Variants in LGR5 observed in about 807,000 individuals in gnomAD.
LGR5 encodes the protein leucine-rich repeat-containing G protein-coupled receptor 5.
A neutral mutation model predicts 76.7 loss-of-function variants in LGR5; 54 were observed. The observed-to-expected ratio is 0.70, with a 90% confidence interval of 0.57 to 0.88. The LOEUF is 0.88. LGR5 is among the 40% of genes least tolerant of loss of function. The pLI is 0.00. For missense variants in LGR5, 1,078 were observed against 1,073.3 expected, an observed-to-expected ratio of 1.00 and a Z score of -0.06; for synonymous variants, 406 against 421.9, an observed-to-expected ratio of 0.96 and a Z score of 0.46.
intron 1 of LGR5, chr12:71,448,662 T>G (rs2137203582): frequency 6.6e-6 from 1 of 152,352 alleles, no homozygotes; most frequent in African/African-American, 2.4e-5. Context: ...CATATATGGT[T>G]GTTATTATGT....
intron 1 of LGR5, among the ~76,000 whole-genome samples, chr12:71,445,838 C>T (rs183851267): frequency 2.6e-5 from 4 of 152,262 alleles, no homozygotes; most frequent in East Asian, 3.9e-4. Flanking sequence ...GAAGTGCTTC[C>T]GTATATCCTC....
chr12:71,563,797 G>A (rs1035262515), intron 8 of LGR5, among the ~76,000 whole-genome samples: 5 of 152,018 alleles, frequency 3.3e-5, no homozygotes, highest in Non-Finnish European at 7.4e-5. Context: ...CCTTATGTGT[G>A]TTTATGATAC....
intron 1 of LGR5, among the ~76,000 whole-genome samples, chr12:71,479,434 G>T (rs922131875): frequency 1.3e-5 from 2 of 152,166 alleles, no homozygotes; most frequent in Non-Finnish European, 2.9e-5. Flanking sequence ...TTTCAACAAC[G>T]TGCCAAATGC....
chr12:71,474,487 A>C (rs973372196), intron 1 of LGR5, among the ~76,000 whole-genome samples: 1 of 152,230 alleles, frequency 6.6e-6, no homozygotes, highest in Non-Finnish European at 1.5e-5. Context: ...GATAAGCTTC[A>C]GTTTAGGTGG....
intron 1 of LGR5, among the ~76,000 whole-genome samples, chr12:71,491,709 G>A (rs1365144316): frequency 1.3e-5 from 2 of 150,604 alleles, no homozygotes; most frequent in African/African-American, 4.9e-5. Flanking sequence ...GTGTATTGCT[G>A]TTTTTTCCAA....
intron 1 of LGR5, among the ~76,000 whole-genome samples, chr12:71,488,224 T>G (rs1873920143): frequency 6.6e-6 from 1 of 152,182 alleles, no homozygotes; most frequent in African/African-American, 2.4e-5. Flanking sequence ...GTATTAAATG[T>G]AAAACAAAAA....
At position 71,457,006 on chromosome 12, in the gene LGR5, T is replaced by G. The variant is rs1012278237; in HGVS notation, c.212+16714T>G. ...ATACACCCCCATCTCACTTTTTTTTTAAGACCATGGAGTTGAATTTTGCCT... is the reference window on the plus strand; with the variant it reads ...ATACACCCCCATCTCACTTTTTTTTGAAGACCATGGAGTTGAATTTTGCCT... On this transcript the variant is annotated intron_variant, in intron 1 of 17. Coordinates refer to ENST00000266674, the MANE Select transcript of LGR5 (RefSeq NM_003667.4). Among the ~76,000 whole-genome samples the G allele has an allele frequency of 2.0e-5, 3 of 152,116 alleles. No homozygotes were observed. In the South Asian group the frequency reaches 6.2e-4, roughly 32 times the overall value.
intron 14 of LGR5, 117 bp from the exon 15 acceptor site, chr12:71,578,686 GA>G (rs1006824109): frequency 1.0e-6 from 1 of 990,432 alleles, no homozygotes; most frequent in African/African-American, 1.6e-5. Flanking sequence ...TAAGAGTAAG[GA>G]CCCTGCTTAG....
intron 1 of LGR5, among the ~76,000 whole-genome samples, chr12:71,453,018 G>A (rs1872311196): frequency 6.6e-6 from 1 of 152,064 alleles, no homozygotes; most frequent in South Asian, 2.1e-4. Context: ...CCCTAAATTA[G>A]CTAAATTAAT....
chr12:71,467,870 C>A (rs1872928900), intron 1 of LGR5, among the ~76,000 whole-genome samples: 1 of 152,168 alleles, frequency 6.6e-6, no homozygotes, highest in African/African-American at 2.4e-5. Flanking sequence ...TTGCAAAGCA[C>A]ATTCCATCTA....
chr12:71,463,365 C>T (rs1027371691), intron 1 of LGR5, among the ~76,000 whole-genome samples: 2 of 152,146 alleles, frequency 1.3e-5, no homozygotes, highest in Non-Finnish European at 1.5e-5. Flanking sequence ...TAGCTTCAGT[C>T]GAGAGGTTTA....
intron 2 of LGR5, among the ~76,000 whole-genome samples, chr12:71,508,023 A>G (rs946817218): frequency 1.3e-5 from 2 of 151,346 alleles, no homozygotes; most frequent in Non-Finnish European, 2.9e-5. Flanking sequence ...GATCGAGACC[A>G]TCCTGGCCAA....
intron 6 of LGR5, among the ~76,000 whole-genome samples, 160 bp downstream of exon 6, chr12:71,556,850 G>C (rs763356455): frequency 4.6e-5 from 7 of 152,172 alleles, no homozygotes. Context: ...AACCCCCACA[G>C]AGCTAAACAA....
intron 3 of LGR5, among the ~76,000 whole-genome samples, chr12:71,526,182 T>C (rs2137346594): frequency 6.6e-6 from 1 of 152,324 alleles, no homozygotes; most frequent in East Asian, 1.9e-4. Context: ...CATTTTTGTA[T>C]GATATTGACC....
At chr12:71,449,430 C>G (rs1204485927) in intron 1 of LGR5, among the ~76,000 whole-genome samples, 3 of 152,144 alleles carry the variant, frequency 2.0e-5, no homozygotes, top group African/African-American at 4.8e-5. Flanking sequence ...ATTGAGTCTT[C>G]AAGCTTGGGT....
intron 1 of LGR5, among the ~76,000 whole-genome samples, chr12:71,480,878 A>G (rs189616744): frequency 1.1e-4 from 16 of 152,234 alleles, no homozygotes; most frequent in African/African-American, 3.6e-4. Context: ...AAAAGCATAA[A>G]AGTGATCAAG....
At position 71,477,247 on chromosome 12, in the gene LGR5, C is replaced by A. The variant is rs78456759; in HGVS notation, c.213-27367C>A. On this transcript the variant is annotated intron_variant, in intron 1 of 17. Coordinates refer to ENST00000266674, the MANE Select transcript of LGR5 (RefSeq NM_003667.4). Reference sequence around the variant, plus strand: ...CCCGTTTTCTCACCACAAACAATAACCCTGGTAGAAGACTGGTGATTTACA... The same window carrying A: ...CCCGTTTTCTCACCACAAACAATAAACCTGGTAGAAGACTGGTGATTTACA... 2.3e-3 allele frequency among the ~76,000 whole-genome samples: 354 copies of A among 152,078 alleles called. 2 individuals are homozygous for A. The highest frequency in any genetic ancestry group is 8.2e-3 in the African/African-American group (342 of 41,496).
intron 4 of LGR5, among the ~76,000 whole-genome samples, chr12:71,540,770 A>AAT (rs1876836233): frequency 6.6e-6 from 1 of 152,132 alleles, no homozygotes; most frequent in Admixed American, 6.5e-5. Flanking sequence ...TGGGATATAG[A>AAT]ATGGGAAGGA....
intron 1 of LGR5, among the ~76,000 whole-genome samples, chr12:71,490,111 C>T (rs901220094): frequency 2.9e-5 from 4 of 138,560 alleles, no homozygotes; most frequent in African/African-American, 1.1e-4. Flanking sequence ...GCCTGGGCAA[C>T]AGATTGAGAC....
Sources: allele counts gnomAD v4.1 joint callset (sites outside exome capture counted in the v4.1 genomes callset), GRCh38; gene constraint gnomAD v4.1.1; transcripts MANE v1.5; gene names NCBI Gene and HGNC (gene_info 2026-07-23, HGNC 2026-07-21).